ROBO1: variants seen among roughly 807,000 people sequenced by gnomAD.
ROBO1 encodes the protein roundabout guidance receptor 1.
Under a neutral mutation model 195.9 loss-of-function variants are expected in ROBO1, and 149 were observed. That is an observed-to-expected ratio of 0.76 (90% CI 0.67 to 0.87). The LOEUF (loss-of-function observed/expected upper bound fraction) is 0.87, where lower values mean the gene tolerates loss of function less well. Among genes scored for constraint, ROBO1 ranks in the 40% least tolerant of loss-of-function variants. ROBO1 has a pLI of 0.00. For synonymous variants in ROBO1, 816 were observed against 733.2 expected (o/e 1.11, Z -1.82); for missense variants, 1,933 against 2,068.3 (o/e 0.93, Z 1.27).
intron 2 of ROBO1, among the ~76,000 whole-genome samples, chr3:79,213,489 T>C (rs1341418711): frequency 6.6e-6 from 1 of 152,172 alleles, no homozygotes; most frequent in Non-Finnish European, 1.5e-5. Flanking sequence ...TTGTTGTTTA[T>C]GTTTAATTTT....
chr3:79,083,416 GTCTA>G (rs2079311620), intron 3 of ROBO1, among the ~76,000 whole-genome samples: 1 of 152,074 alleles, frequency 6.6e-6, no homozygotes, highest in African/African-American at 2.4e-5. Flanking sequence ...ATACCTATTT[GTCTA>G]TCTATCTGAT....
At chr3:79,274,894 T>A (rs1163483279) in intron 2 of ROBO1, among the ~76,000 whole-genome samples, 1 of 151,888 alleles carries the variant, frequency 6.6e-6, no homozygotes, top group Non-Finnish European at 1.5e-5. Flanking sequence ...AAGAAATGAA[T>A]AAATTCCTAG....
chr3:78,912,931 A>G (rs1169992717), intron 4 of ROBO1, among the ~76,000 whole-genome samples: 2 of 152,070 alleles, frequency 1.3e-5, no homozygotes, highest in Non-Finnish European at 2.9e-5. Flanking sequence ...TTGAACGTCC[A>G]ATTTTCTCCT....
At chr3:79,421,111 T>C (rs1004988727) in intron 2 of ROBO1, among the ~76,000 whole-genome samples, 3 of 152,002 alleles carry the variant, frequency 2.0e-5, no homozygotes, top group African/African-American at 7.2e-5. Context: ...CTTAGAAAAG[T>C]CATGCAGAAA....
intron 4 of ROBO1, among the ~76,000 whole-genome samples, chr3:78,842,306 A>ATTTATATGTATGAGCCATATATATT (rs2033292565): frequency 5.8e-5 from 6 of 103,056 alleles, no homozygotes; most frequent in African/African-American, 1.0e-4. Context: ...CCATATATAT[A>ATTTATATGTATGAGCCATATATATT]TTTATATATA....
intron 3 of ROBO1, among the ~76,000 whole-genome samples, chr3:79,120,381 C>CTGTTGA (rs1414088249): frequency 3.3e-5 from 5 of 152,138 alleles, no homozygotes; most frequent in Admixed American, 3.3e-4. Context: ...ATGGGCCCAT[C>CTGTTGA]TAGTGTCCTA....
chr3:79,444,255 G>A (rs2039159578), intron 2 of ROBO1, among the ~76,000 whole-genome samples: 1 of 151,908 alleles, frequency 6.6e-6, no homozygotes, highest in South Asian at 2.1e-4. Context: ...CGCTAATGCT[G>A]TATAAAGAAC....
intron 2 of ROBO1, among the ~76,000 whole-genome samples, chr3:79,389,217 A>T (rs1220016913): frequency 2.0e-5 from 3 of 151,988 alleles, no homozygotes; most frequent in Admixed American, 1.3e-4. Context: ...TAAGAAACAA[A>T]CCTAACTACA....
rs138363609 is a variant in ROBO1 at position 79,551,757 on chromosome 3, A to G, written c.88+38067T>C. On this transcript the variant is annotated intron_variant, in intron 2 of 30. Transcript: ENST00000464233. ...ATCATGTCATTTATGTGACAAAGTA[A>G]ATGTAGAATTTTATGTGAACAGGGA... Among the ~76,000 whole-genome samples, 760 of 152,050 alleles carry G rather than the reference A, an allele frequency of 5.0e-3. 6 individuals carry two copies. The highest frequency in any genetic ancestry group is 6.1e-3 in the Non-Finnish European group (412 of 67,984).
chr3:79,114,802 G>A (rs1395791312), intron 3 of ROBO1, among the ~76,000 whole-genome samples: 1 of 152,132 alleles, frequency 6.6e-6, no homozygotes, highest in African/African-American at 2.4e-5. Flanking sequence ...CCACATCTGG[G>A]TGAGCCAATC....
intron 1 of ROBO1, among the ~76,000 whole-genome samples, chr3:79,738,092 A>G (rs1703464923): frequency 6.6e-6 from 1 of 152,136 alleles, no homozygotes. Context: ...TCACAGAGCC[A>G]ATTTTATTTT....
At chr3:79,524,479 T>C (rs980498514) in intron 2 of ROBO1, among the ~76,000 whole-genome samples, 1 of 152,088 alleles carries the variant, frequency 6.6e-6, no homozygotes, top group Non-Finnish European at 1.5e-5. Context: ...TTTTTATATA[T>C]GTATGTGCAT....
At chr3:79,525,674 C>T (rs1316394685) in intron 2 of ROBO1, among the ~76,000 whole-genome samples, 4 of 147,192 alleles carry the variant, frequency 2.7e-5, no homozygotes, top group Non-Finnish European at 6.0e-5. Context: ...GGTGTGATCT[C>T]GGCTCACTGC....
Position 79,446,480 on chromosome 3 carries a change from A to T in ROBO1, c.88+143344T>A, listed in dbSNP as rs556642922. Among the ~76,000 whole-genome samples, 8 of 152,334 alleles carry T rather than the reference A, an allele frequency of 5.3e-5. No individual in the cohort carries two copies. In the South Asian group the frequency reaches 1.4e-3, roughly 28 times the overall value. On this transcript the variant is annotated intron_variant, in intron 2 of 30. Transcript: ENST00000464233. ...TTTTTAGTGTTTTGAAATAAATAAG[A>T]TCATGCTGCAATTAGTGTTGCTTAT...
intron 1 of ROBO1, among the ~76,000 whole-genome samples, chr3:79,642,993 G>T (rs997466762): frequency 1.1e-4 from 17 of 152,216 alleles, no homozygotes; most frequent in Admixed American, 7.2e-4. Context: ...GTCTGTGAGG[G>T]TGTTGTCAAG....
At chr3:78,820,547 A>G (rs1469073095) in intron 4 of ROBO1, among the ~76,000 whole-genome samples, 2 of 152,206 alleles carry the variant, frequency 1.3e-5, no homozygotes, top group Non-Finnish European at 2.9e-5. Flanking sequence ...TACTGTTTAA[A>G]TGATTAAAGA....
intron 1 of ROBO1, among the ~76,000 whole-genome samples, chr3:79,611,986 A>G (rs1944672791): frequency 6.6e-6 from 1 of 152,248 alleles, no homozygotes; most frequent in South Asian, 2.1e-4. Flanking sequence ...ATATAATACC[A>G]TGTACATTGT....
At chr3:79,613,634 T>C (rs1421423799) in intron 1 of ROBO1, among the ~76,000 whole-genome samples, 1 of 152,026 alleles carries the variant, frequency 6.6e-6, no homozygotes, top group Non-Finnish European at 1.5e-5. Flanking sequence ...GCCAATTATA[T>C]TATAAGATCT....
chr3:79,676,663 G>A (rs1946793520), intron 1 of ROBO1, among the ~76,000 whole-genome samples: 1 of 152,038 alleles, frequency 6.6e-6, no homozygotes, highest in African/African-American at 2.4e-5. Flanking sequence ...GCTAGAGAAA[G>A]TCTCTAGACA....
Sources: allele counts gnomAD v4.1 joint callset (sites outside exome capture counted in the v4.1 genomes callset), GRCh38; gene constraint gnomAD v4.1.1; transcripts MANE v1.5; gene names NCBI Gene and HGNC (gene_info 2026-07-23, HGNC 2026-07-21).